DLK2: variants seen among roughly 807,000 people sequenced by gnomAD.
DLK2 encodes the protein protein delta homolog 2.
In DLK2, 9 loss-of-function variants were observed where a neutral mutation model predicts 31.3. The observed-to-expected ratio is 0.29, with a 90% CI of 0.17 to 0.50. DLK2 has a LOEUF of 0.50. Among genes scored for constraint, DLK2 ranks in the 20% least tolerant of loss-of-function variants. The pLI, the probability that DLK2 is intolerant of heterozygous loss-of-function variation, is 0.98. For missense variants in DLK2, 387 were observed against 526.1 expected (o/e 0.74, Z 2.59); for synonymous variants, 169 against 201.2 (o/e 0.84, Z 1.35).
In DLK2 at chr6:43,450,438, T is replaced by C; in HGVS notation, c.*101A>G. ...ATATTTCTGGTGTGAGGCTGAGGTC[T>C]CCTCTGTGTGTGTACCCAAGCTGAA... On this transcript the variant is annotated 3_prime_UTR_variant, in exon 6 of 6. Coordinates refer to ENST00000372488, the MANE Select transcript of DLK2 (RefSeq NM_023932.4). The surrounding 1 kb of genome is among the most constrained non-coding windows in gnomAD (Gnocchi z 4.5). The C allele has an allele frequency of 7.5e-7, 1 of 1,325,556 alleles. No homozygotes were observed. The highest frequency in any genetic ancestry group is 1.0e-6 in the Non-Finnish European group (1 of 982,080). 82.1% of individuals were successfully genotyped at this position (1,325,556 alleles called of 1,614,324 possible).
At chr6:43,455,286 C>G (rs868683937) in intron 1 of DLK2, 109 bp downstream of exon 1, 44 of 151,776 alleles carry the variant, frequency 2.9e-4, no homozygotes, top group South Asian at 1.6e-3. Context: ...AGCCCCCCCC[C>G]CCGCCACCAC....
upstream of DLK2, chr6:43,455,673 AC>A (rs1386855078): frequency 8.9e-6 from 1 of 112,796 alleles, no homozygotes; most frequent in East Asian, 3.0e-4. Flanking sequence ...CACACCTAGC[AC>A]CCGGCGCGCC....
chr6:43,451,977 C>T lies in DLK2; in HGVS notation c.379G>A (p.Asp127Asn). ...CAGGGTCCAGCCTTGCGCTCGCAGT[C>T]ACGCCCATGGAAGCCTGGTAAGCAC... ...CVCLPGFHGRDCERKAGPCEQ... is the reference protein window; with the variant it reads ...CVCLPGFHGRNCERKAGPCEQ... Residue 127 changes from aspartate to asparagine, a missense_variant, in exon 5 of 6, where the codon GAC becomes AAC. Coordinates refer to ENST00000372488, the MANE Select transcript of DLK2 (RefSeq NM_023932.4). The surrounding 1 kb of genome is among the most constrained non-coding windows in gnomAD (Gnocchi z 4.4). 1 of 1,614,218 alleles carries T rather than the reference C, an allele frequency of 6.2e-7. No homozygotes were observed. The highest frequency in any genetic ancestry group is 8.5e-7 in the Non-Finnish European group (1 of 1,180,046).
chr6:43,450,925 G>A lies in DLK2; in HGVS notation c.766C>T (p.Pro256Ser), dbSNP rs1021580029. 3 of 1,614,068 alleles carry A rather than the reference G, an allele frequency of 1.9e-6. No homozygotes were observed. The highest frequency in any genetic ancestry group is 1.6e-4 in the Middle Eastern group (1 of 6,084). Residue 256 changes from proline to serine, a missense_variant, in exon 6 of 6, where the codon CCC becomes TCC. Pro to Ser is a moderately conservative substitution (Grantham distance 74, BLOSUM62 -1). Coordinates refer to ENST00000372488, the MANE Select transcript of DLK2 (RefSeq NM_023932.4). The surrounding 1 kb of genome is among the most constrained non-coding windows in gnomAD (Gnocchi z 4.5). ...AGAGGGGTGTCCACTGTGGTTGGGGGGTCTGGGACAGGTAAGACAAGCTCA... is the reference window on the plus strand; with the variant it reads ...AGAGGGGTGTCCACTGTGGTTGGGGAGTCTGGGACAGGTAAGACAAGCTCA... The part of the protein sequence containing the change: ...TCELVLPVPD[P>S]PTTVDTPLGP...
Position 43,454,460 on chromosome 6 carries a change from A to C in DLK2, c.91T>G (p.Ser31Ala), listed in dbSNP as rs1783893165. The C allele has an allele frequency of 6.3e-7, 1 of 1,597,248 alleles. No individual in the cohort carries two copies. The highest frequency in any genetic ancestry group is 1.3e-5 in the African/African-American group (1 of 74,804). ...CAGCCGTGGGCCAGGTCACAGTGGG[A>C]GCTGCAGTCATCGGCTGCAAGAGAT... ...GQPVRADDCS[S>A]HCDLAHGCCA... The change falls in exon 3 of 6, where the codon TCC becomes GCC. Residue 31 changes from serine (S) to alanine (A), a missense_variant. By Grantham distance (99) the Ser-to-Ala change is moderately conservative. Transcript: ENST00000372488.
At chr6:43,452,164 C>T in intron 4 of DLK2, 80 bp from the exon 5 acceptor site, 22 of 1,581,730 alleles carry the variant, frequency 1.4e-5, no homozygotes, top group Non-Finnish European at 1.9e-5. Flanking sequence ...CCTTCCAGGC[C>T]CCAGGTTCTG....
chr6:43,454,971 G>C lies in DLK2; in HGVS notation c.-55-91C>G, dbSNP rs113315639. On this transcript the variant is annotated intron_variant, in intron 1 of 5. Coordinates refer to ENST00000372488, the MANE Select transcript of DLK2 (RefSeq NM_023932.4). ...GTGACAGGAGCCGACGAGGGAGAGG[G>C]GCGCCGGGACAGAAGAAGGGGATGG... 52 of 1,461,026 alleles carry C rather than the reference G, an allele frequency of 3.6e-5. No homozygotes were observed. In the African/African-American group the frequency reaches 5.7e-4, roughly 16 times the overall value. The allele number at this position is 1,461,026 out of a possible 1,614,324, so 90.5% of individuals were successfully genotyped here. A position where few individuals can be genotyped will look rare whatever the true frequency, so the allele number is the denominator to read the frequency against.
In DLK2 at chr6:43,451,523, T is replaced by A. The variant is rs148489792; in HGVS notation, c.417-249A>T. Reference sequence around the variant, plus strand: ...AAGGCAGGGCTCAGGGTAAGTGTGCTATTATTATCCTCACAGGCTCCTGGG... The same window carrying A: ...AAGGCAGGGCTCAGGGTAAGTGTGCAATTATTATCCTCACAGGCTCCTGGG... On this transcript the variant is annotated intron_variant, in intron 5 of 5. Transcript: ENST00000372488. The surrounding 1 kb of genome is among the most constrained non-coding windows in gnomAD (Gnocchi z 4.4). Among the ~76,000 whole-genome samples, 1 of 151,712 alleles carries A rather than the reference T, an allele frequency of 6.6e-6. No individual in the cohort carries two copies. The highest frequency in any genetic ancestry group is 1.5e-5 in the Non-Finnish European group (1 of 68,030).
In DLK2 at chr6:43,454,446, C is replaced by T; in HGVS notation, c.105G>A (p.Leu35=). The T allele has an allele frequency of 6.2e-7, 1 of 1,601,702 alleles. No homozygotes were observed. Among genetic ancestry groups the T allele is most frequent in the Non-Finnish European group, 8.5e-7 (1 of 1,175,642 alleles). Residue 35 remains leucine, a synonymous_variant, in exon 3 of 6, where the codon CTG becomes CTA. Coordinates refer to ENST00000372488, the MANE Select transcript of DLK2 (RefSeq NM_023932.4). ...CGTCAGGTGCACAGCAGCCGTGGGC[C>T]AGGTCACAGTGGGAGCTGCAGTCAT... The part of the protein sequence containing the change: ...RADDCSSHCD[L]AHGCCAPDGS...
At chr6:43,455,257 T>G in intron 1 of DLK2, 138 bp downstream of exon 1, 1 of 187,140 alleles carries the variant, frequency 5.3e-6, no homozygotes, top group Non-Finnish European at 1.0e-5. Context: ...GCGAGCAGTC[T>G]CCGCCCCACA....
Position 43,451,017 on chromosome 6 carries a change from G to A in DLK2, c.674C>T (p.Ala225Val), listed in dbSNP as rs757102697. The stretch of plus-strand genomic sequence containing the variant: ...GTCGTGGACACGGTCCCGACAGCGG[G>A]CCCCTCTCTGGCATGGGCGGCTGGC... Reference protein sequence around the residue: ...DCASRPCQRGARCRDRVHDFD... With the variant: ...DCASRPCQRGVRCRDRVHDFD... The change falls in exon 6 of 6, where the codon GCC (alanine) becomes GTC (valine). Residue 225 changes from alanine to valine, a missense_variant. By Grantham distance (64) the Ala-to-Val change is moderately conservative. Transcript: ENST00000372488. This position sits in a 1 kb window ranked among gnomAD's most constrained non-coding sequence, Gnocchi z 4.4. 1 of 1,614,114 alleles carries A rather than the reference G, an allele frequency of 6.2e-7. No individual in the cohort carries two copies. Among genetic ancestry groups the A allele is most frequent in the South Asian group, 1.1e-5 (1 of 91,084 alleles).
intron 1 of DLK2, 60 bp from the exon 2 acceptor site, chr6:43,454,940 T>C: frequency 6.7e-7 from 1 of 1,493,784 alleles, no homozygotes; most frequent in Non-Finnish European, 8.9e-7. Flanking sequence ...CGGATACGGG[T>C]TCCAAGTGAC....
rs970628428 is a variant in DLK2 at position 43,453,048 on chromosome 6, C to T, written c.228G>A (p.Gln76=). Residue 76 remains glutamine (Q), a synonymous_variant, in exon 4 of 6, where the codon CAG becomes CAA. Coordinates refer to ENST00000372488, the MANE Select transcript of DLK2 (RefSeq NM_023932.4). This position sits in a 1 kb window ranked among gnomAD's most constrained non-coding sequence, Gnocchi z 4.1. ...CTGCCCAGCCACTGTGGCAGATGCA[C>T]TGCCATGGCTGGTGGCAGGTACCGT... is the stretch of plus-strand genomic sequence containing the variant. The part of the protein sequence containing the change: ...CQHGTCHQPW[Q]CICHSGWAGK... The T allele has an allele frequency of 3.1e-6, 5 of 1,614,068 alleles. No individual in the cohort carries two copies. Among genetic ancestry groups the T allele is most frequent in the Middle Eastern group, 3.3e-4 (2 of 6,084 alleles).
chr6:43,454,774 C>A lies in DLK2; in HGVS notation c.52G>T (p.Gly18Trp), dbSNP rs1205220613. Residue 18 changes from glycine (G) to tryptophan (W), a missense_variant, in exon 2 of 6, where the codon GGG (glycine) becomes TGG (tryptophan). Coordinates refer to ENST00000372488, the MANE Select transcript of DLK2 (RefSeq NM_023932.4). ...CCTCGGACAGGCTGACCGGGAGCCC[C>A]CAGAATGCACAACAGGCACACGAGA... ...LHLVCLLCIL[G>W]APGQPVRADD... The A allele has an allele frequency of 6.4e-7, 1 of 1,553,936 alleles. No homozygotes were observed. The highest frequency in any genetic ancestry group is 8.6e-7 in the Non-Finnish European group (1 of 1,156,478).
chr6:43,455,112 C>A (rs1365843207), intron 1 of DLK2: 11 of 984,106 alleles, frequency 1.1e-5, no homozygotes, highest in Non-Finnish European at 1.2e-5. Flanking sequence ...CATCGCGGAG[C>A]GAGGCCAGGC....
chr6:43,455,277 GCCCC>G (rs572751222), intron 1 of DLK2, 114 bp downstream of exon 1: 2 of 128,098 alleles, frequency 1.6e-5, no homozygotes, highest in African/African-American at 6.3e-5. Context: ...AGCTCCGACA[GCCCC>G]CCCCCCCGCC....
intron 4 of DLK2, among the ~76,000 whole-genome samples, chr6:43,452,483 A>G (rs1581815170): frequency 6.6e-6 from 1 of 152,344 alleles, no homozygotes; most frequent in African/African-American, 2.4e-5. Flanking sequence ...TGGGAGGCCA[A>G]GGCGGGTGGA....
rs114159670 is a variant in DLK2 at position 43,451,630 on chromosome 6, G to T, written c.416+310C>A. Among the ~76,000 whole-genome samples the T allele has an allele frequency of 0.035, 5,290 of 152,190 alleles. 130 individuals are homozygous for T. Among genetic ancestry groups the T allele is most frequent in the Non-Finnish European group, 0.05 (3,372 of 68,006 alleles). On this transcript the variant is annotated intron_variant, in intron 5 of 5. Coordinates refer to ENST00000372488, the MANE Select transcript of DLK2 (RefSeq NM_023932.4). This position sits in a 1 kb window ranked among gnomAD's most constrained non-coding sequence, Gnocchi z 4.4. ...GTGACACAGAAGGGTGCAAGCCAGC[G>T]TTCAGGAGAGGATGAGGAGAGACCC...
intron 2 of DLK2, 53 bp from the exon 3 acceptor site, chr6:43,454,527 G>A: frequency 2.0e-6 from 3 of 1,529,204 alleles, no homozygotes; most frequent in Middle Eastern, 1.8e-4. Context: ...ACAGCTCGCT[G>A]GGATGCGGGA....
Sources: gnomAD v4.1 joint callset for allele counts (sites outside exome capture counted in the v4.1 genomes callset) on GRCh38, gnomAD v4.1.1 for gene constraint, Gnocchi (gnomAD v3.1) non-coding constraint, MANE v1.5 for transcripts, NCBI Gene and HGNC (gene_info 2026-07-23, HGNC 2026-07-21) for gene names.